Variants in MAP7 observed in about 807,000 individuals in gnomAD.
The protein encoded by MAP7 is microtubule associated protein 7.
In MAP7, 52 loss-of-function variants were observed where a neutral mutation model predicts 94.8. The ratio of observed to expected loss-of-function variants is 0.55; its 90% CI spans 0.44 to 0.69. The LOEUF is 0.69. Among genes scored for constraint, MAP7 ranks in the 30% least tolerant of loss-of-function variants. MAP7 has a pLI of 0.00. For missense variants in MAP7, 940 were observed against 964.6 expected, an observed-to-expected ratio of 0.97 and a Z score of 0.34; for synonymous variants, 350 against 357.0, an observed-to-expected ratio of 0.98 and a Z score of 0.22.
chr6:136,424,158 A>T (rs1459154637), intron 1 of MAP7, among the ~76,000 whole-genome samples: 1 of 151,978 alleles, frequency 6.6e-6, no homozygotes, highest in African/African-American at 2.4e-5. Context: ...GAACACAATG[A>T]CAACAGGAAT....
chr6:136,365,626 A>C, intron 10 of MAP7, 109 bp downstream of exon 10: 1 of 1,223,868 alleles, frequency 8.2e-7, no homozygotes, highest in Non-Finnish European at 1.1e-6. Context: ...CTTAGAGTAA[A>C]ATTTCCAAGT....
intron 1 of MAP7, among the ~76,000 whole-genome samples, chr6:136,436,718 G>A (rs548823219): frequency 6.6e-6 from 1 of 152,188 alleles, no homozygotes; most frequent in East Asian, 1.9e-4. Flanking sequence ...AAATCACTGT[G>A]GACAAGTATT....
rs147645484 is a variant in MAP7, at chr6:136,359,992, C to T, written c.1843G>A (p.Ala615Thr). ...EIMKRTRRTE[A>T]TDKKTSDQRN... ...GGCCATGTCAATACCTTATCTGTAGCTTCTGTTCTCCTGGTTCTTTTCATA... is the reference window on the plus strand; with the variant it reads ...GGCCATGTCAATACCTTATCTGTAGTTTCTGTTCTCCTGGTTCTTTTCATA... The change falls in exon 14 of 18, where the codon GCT becomes ACT. Residue 615 changes from alanine (A) to threonine (T), a missense_variant. Physicochemically the swap from Ala to Thr is moderately conservative, Grantham distance 58. Transcript: ENST00000354570. 3,267 of 1,613,504 alleles carry T rather than the reference C, an allele frequency of 2.0e-3. 22 individuals are homozygous for T. Among genetic ancestry groups the T allele is most frequent in the South Asian group, 8.6e-3 (778 of 90,810 alleles).
intron 1 of MAP7, among the ~76,000 whole-genome samples, chr6:136,491,178 G>A (rs1431830046): frequency 1.3e-5 from 2 of 152,014 alleles, no homozygotes; most frequent in Non-Finnish European, 2.9e-5. Flanking sequence ...ATTAAAAAAT[G>A]TAAAAATTAC....
chr6:136,362,267 A>T (rs1161854665), intron 11 of MAP7, among the ~76,000 whole-genome samples, 183 bp downstream of exon 11: 2 of 152,170 alleles, frequency 1.3e-5, no homozygotes, highest in Non-Finnish European at 2.9e-5. Flanking sequence ...TTTAAAAAAA[A>T]GAAGAAGATG....
intron 3 of MAP7, among the ~76,000 whole-genome samples, chr6:136,409,762 C>T (rs1786834766): frequency 6.6e-6 from 1 of 152,282 alleles, no homozygotes; most frequent in Non-Finnish European, 1.5e-5. Flanking sequence ...ACTTGTTTAT[C>T]TGCCTTTCAC....
intron 3 of MAP7, among the ~76,000 whole-genome samples, chr6:136,411,289 G>A (rs1193472730): frequency 6.6e-6 from 1 of 152,202 alleles, no homozygotes; most frequent in Admixed American, 6.5e-5. Flanking sequence ...CCCTGACAGT[G>A]TATAATCTCA....
intron 1 of MAP7, among the ~76,000 whole-genome samples, chr6:136,497,178 C>A (rs1477786904): frequency 6.6e-6 from 1 of 151,834 alleles, no homozygotes; most frequent in African/African-American, 2.4e-5. Context: ...GAAGAGAAGG[C>A]CAACTCCCAA....
At chr6:136,500,820 C>A (rs1333899518) in intron 1 of MAP7, among the ~76,000 whole-genome samples, 1 of 152,002 alleles carries the variant, frequency 6.6e-6, no homozygotes, top group Non-Finnish European at 1.5e-5. Context: ...TATTACAAAG[C>A]AGAATAAAAA....
At chr6:136,394,164 T>A (rs1345669513) in intron 3 of MAP7, among the ~76,000 whole-genome samples, 1 of 151,950 alleles carries the variant, frequency 6.6e-6, no homozygotes, top group Non-Finnish European at 1.5e-5. Context: ...TTGGTATTTT[T>A]AATAGAGACG....
chr6:136,504,659 T>C (rs1820833299), intron 1 of MAP7, among the ~76,000 whole-genome samples: 2 of 151,868 alleles, frequency 1.3e-5, no homozygotes, highest in African/African-American at 4.8e-5. Context: ...CCCATAAATA[T>C]ATCTTTTAAT....
chr6:136,526,097 T>C (rs1442183944), intron 1 of MAP7: 4 of 1,394,062 alleles, frequency 2.9e-6, no homozygotes, highest in African/African-American at 3.0e-5. Context: ...AGATCCCCTA[T>C]GGGTAAACAG....
intron 1 of MAP7, among the ~76,000 whole-genome samples, chr6:136,538,901 C>T (rs1256281143): frequency 1.3e-5 from 2 of 151,790 alleles, no homozygotes; most frequent in Non-Finnish European, 2.9e-5. Context: ...ACAGCAACCT[C>T]CTGGAACATT....
intron 1 of MAP7, among the ~76,000 whole-genome samples, chr6:136,466,412 G>A (rs1807079379): frequency 6.6e-6 from 1 of 152,062 alleles, no homozygotes; most frequent in African/African-American, 2.4e-5. Context: ...GTTTGCTACT[G>A]TTCAGCTTCT....
At chr6:136,360,069 C>CAGAA in intron 13 of MAP7, 38 bp from the exon 14 acceptor site, 1 of 1,536,236 alleles carries the variant, frequency 6.5e-7, no homozygotes, top group Non-Finnish European at 8.8e-7. Flanking sequence ...AGATTAGACA[C>CAGAA]AGAAAAAAAG....
chr6:136,394,927 C>T (rs1781873483), intron 3 of MAP7, among the ~76,000 whole-genome samples: 2 of 27,082 alleles, frequency 7.4e-5, no homozygotes, highest in African/African-American at 9.6e-5. Context: ...GAATAATATT[C>T]CATCATATAT....
chr6:136,421,932 AAGT>A, intron 1 of MAP7, 133 bp from the exon 2 acceptor site: 1 of 654,178 alleles, frequency 1.5e-6, no homozygotes, highest in Non-Finnish European at 2.6e-6. Context: ...TGAAAAGATG[AAGT>A]AGTTACAACC....
chr6:136,402,828 C>T (rs1334001273), intron 3 of MAP7, among the ~76,000 whole-genome samples: 2 of 135,728 alleles, frequency 1.5e-5, no homozygotes, highest in East Asian at 2.4e-4. Context: ...ATGGCGTGAA[C>T]CTGGGAGGCG....
rs1434022657 is a variant in MAP7 at position 136,344,067 on chromosome 6, C to T, written c.*161G>A. ...TGATGAAAATTATTAGAAAAGCTAT[C>T]CAGTCTGTTGTCTTTAGCTAGTTTT... On this transcript the variant is annotated 3_prime_UTR_variant, in exon 18 of 18. Transcript: ENST00000354570. 6.1e-5 allele frequency: 23 copies of T among 374,202 alleles called. No individual in the cohort carries two copies. Among genetic ancestry groups the T allele is most frequent in the South Asian group, 1.4e-4 (1 of 7,370 alleles). The allele number at this position is 374,202 out of a possible 1,614,324, so 23.2% of individuals were successfully genotyped here.
Sources: allele counts gnomAD v4.1 joint callset (sites outside exome capture counted in the v4.1 genomes callset), GRCh38; gene constraint gnomAD v4.1.1; transcripts MANE v1.5; gene names NCBI Gene and HGNC (gene_info 2026-07-23, HGNC 2026-07-21).